Variants in MANBA observed in about 807,000 individuals in gnomAD.
MANBA encodes the protein mannosidase beta, also known as beta-mannosidase.
In MANBA, 83 loss-of-function variants were observed where a neutral mutation model predicts 111.1. That is an observed-to-expected ratio of 0.75 (90% CI 0.63 to 0.90). The LOEUF (loss-of-function observed/expected upper bound fraction) is 0.90. Among genes scored for constraint, MANBA ranks in the 40% least tolerant of loss-of-function variants. MANBA has a pLI of 0.00. For missense variants in MANBA, 1,036 were observed against 1,069.0 expected (o/e 0.97, Z 0.43); for synonymous variants, 370 against 378.7 (o/e 0.98, Z 0.27).
At chr4:102,703,642 C>T (rs914461564) in intron 5 of MANBA, among the ~76,000 whole-genome samples, 8 of 152,190 alleles carry the variant, frequency 5.3e-5, no homozygotes, top group Non-Finnish European at 8.8e-5. Flanking sequence ...GATCAGCTGA[C>T]ACCACCCAGA....
intron 1 of MANBA, among the ~76,000 whole-genome samples, chr4:102,759,414 G>C (rs987657248): frequency 3.3e-5 from 5 of 152,100 alleles, no homozygotes; most frequent in African/African-American, 1.2e-4. Flanking sequence ...TGAAAACTCA[G>C]AGTATACTGT....
intron 1 of MANBA, among the ~76,000 whole-genome samples, chr4:102,748,810 G>A (rs1476020283): frequency 6.6e-6 from 1 of 152,172 alleles, no homozygotes; most frequent in Non-Finnish European, 1.5e-5. Flanking sequence ...CTACTCGGGA[G>A]GCTGAGGCAG....
At chr4:102,691,313 T>C (rs561065393) in intron 5 of MANBA, among the ~76,000 whole-genome samples, 1 of 152,214 alleles carries the variant, frequency 6.6e-6, no homozygotes, top group South Asian at 2.1e-4. Flanking sequence ...CCATATACTC[T>C]GCTAAGTGAT....
chr4:102,753,437 G>T (rs1723883451), intron 1 of MANBA, among the ~76,000 whole-genome samples: 1 of 151,896 alleles, frequency 6.6e-6, no homozygotes, highest in Non-Finnish European at 1.5e-5. Context: ...AAAAGAGAAG[G>T]AATAACAATA....
intron 1 of MANBA, among the ~76,000 whole-genome samples, chr4:102,750,936 A>T (rs1215753752): frequency 1.3e-5 from 2 of 152,124 alleles, no homozygotes; most frequent in Non-Finnish European, 2.9e-5. Context: ...AATGATAACA[A>T]AACAAAATAA....
chr4:102,642,017 G>A (rs1047892344), intron 13 of MANBA, among the ~76,000 whole-genome samples: 1 of 151,838 alleles, frequency 6.6e-6, no homozygotes, highest in Admixed American at 6.6e-5. Flanking sequence ...CTAATAACAT[G>A]GACCTGAATC....
chr4:102,653,777 G>T (rs946062588), intron 12 of MANBA, among the ~76,000 whole-genome samples: 3 of 152,088 alleles, frequency 2.0e-5, no homozygotes, highest in Admixed American at 6.5e-5. Flanking sequence ...ATTTGAAGGA[G>T]GCCAGTAGAA....
intron 11 of MANBA, among the ~76,000 whole-genome samples, chr4:102,663,852 G>T (rs766483944): frequency 6.6e-6 from 1 of 152,016 alleles, no homozygotes; most frequent in African/African-American, 2.4e-5. Flanking sequence ...TCACAAAAAG[G>T]CCAATTTATA....
intron 16 of MANBA, chr4:102,633,133 A>G (rs1729463438): frequency 2.5e-6 from 1 of 396,924 alleles, no homozygotes; most frequent in Non-Finnish European, 4.4e-6. Flanking sequence ...GTTCTGAGTT[A>G]TACACAAGGA....
rs1731143072 is a variant in MANBA at position 102,664,762 on chromosome 4, T to C, written c.1408A>G (p.Ser470Gly). 2 of 1,611,176 alleles carry C rather than the reference T, an allele frequency of 1.2e-6. No individual in the cohort carries two copies. Among genetic ancestry groups the C allele is most frequent in the African/African-American group, 1.3e-5 (1 of 74,864 alleles). Residue 470 changes from serine (S) to glycine (G), a missense_variant, in exon 11 of 17, where the codon AGT becomes GGT. By Grantham distance (56) the Ser-to-Gly change is moderately conservative. Coordinates refer to ENST00000647097, the MANE Select transcript of MANBA (RefSeq NM_005908.4). ...EALMMNWYHISFTDRPIYIKD... is the reference protein window; with the variant it reads ...EALMMNWYHIGFTDRPIYIKD... ...ATGTAGATTGGCCGGTCAGTGAAACTGATATGATACCAATTCATCATCAGC... is the reference window on the plus strand; with the variant it reads ...ATGTAGATTGGCCGGTCAGTGAAACCGATATGATACCAATTCATCATCAGC...
intron 1 of MANBA, chr4:102,734,319 T>A (rs1723131787): frequency 6.3e-7 from 1 of 1,578,074 alleles, no homozygotes; most frequent in Admixed American, 1.8e-5. Flanking sequence ...TGAAGAGTGG[T>A]GAGTCAGAAG....
At chr4:102,712,017 T>C (rs886978919) in intron 5 of MANBA, among the ~76,000 whole-genome samples, 5 of 152,198 alleles carry the variant, frequency 3.3e-5, no homozygotes, top group Admixed American at 1.3e-4. Flanking sequence ...AGTGTGACTA[T>C]ACTTAACAAC....
At chr4:102,634,609 G>A (rs1560737119) in intron 16 of MANBA, among the ~76,000 whole-genome samples, 179 bp downstream of exon 16, 2 of 152,320 alleles carry the variant, frequency 1.3e-5, no homozygotes, top group South Asian at 4.1e-4. Flanking sequence ...TCCTGGATTC[G>A]AAATAGAAAT....
At chr4:102,722,812 C>T in intron 4 of MANBA, 59 bp downstream of exon 4, 3 of 1,539,688 alleles carry the variant, frequency 1.9e-6, no homozygotes, top group Non-Finnish European at 2.7e-6. Flanking sequence ...ATAAGCATTT[C>T]ATATGCCAGC....
intron 12 of MANBA, among the ~76,000 whole-genome samples, chr4:102,652,765 C>T (rs147714715): frequency 0.014 from 2,099 of 152,140 alleles, 19 homozygotes; most frequent in Middle Eastern, 0.048. Context: ...TGTGGTGGCA[C>T]ATGCCTGTAG....
chr4:102,702,060 T>C (rs1280016657), intron 5 of MANBA, among the ~76,000 whole-genome samples: 2 of 152,008 alleles, frequency 1.3e-5, no homozygotes, highest in East Asian at 3.9e-4. Context: ...TGTTCGTTTC[T>C]TTTTATTCTT....
intron 7 of MANBA, among the ~76,000 whole-genome samples, chr4:102,688,515 G>A (rs1400879083): frequency 6.6e-6 from 1 of 152,066 alleles, no homozygotes; most frequent in Admixed American, 6.6e-5. Flanking sequence ...ATGTTGTCTG[G>A]CCCACAGGAG....
At position 102,635,045 on chromosome 4, in the gene MANBA, C is replaced by G; in HGVS notation, c.2158G>C (p.Val720Leu). 1 of 1,613,994 alleles carries G rather than the reference C, an allele frequency of 6.2e-7. No individual in the cohort carries two copies. Among genetic ancestry groups the G allele is most frequent in the Non-Finnish European group, 8.5e-7 (1 of 1,179,898 alleles). The change falls in exon 16 of 17, where the codon GTG becomes CTG. Residue 720 changes from valine to leucine, a missense_variant and splice_region_variant. Transcript: ENST00000647097. ...AGGGAGCTCCATGTATGGACTCTCA[C>G]CTGGGGAGAAATAAAACAGAATAAA... ...LHSDYSMTLS[V>L]RVHTWSSLEP...
At chr4:102,758,635 T>C (rs1320145072) in intron 1 of MANBA, among the ~76,000 whole-genome samples, 1 of 151,594 alleles carries the variant, frequency 6.6e-6, no homozygotes, top group Non-Finnish European at 1.5e-5. Flanking sequence ...CTCAACCTCC[T>C]GGGCTCAAAC....
Sources: gnomAD v4.1 joint callset for allele counts (sites outside exome capture counted in the v4.1 genomes callset) on GRCh38, gnomAD v4.1.1 for gene constraint, MANE v1.5 for transcripts, NCBI Gene and HGNC (gene_info 2026-07-23, HGNC 2026-07-21) for gene names.